The following GPC6 variants were observed in gnomAD, a reference collection of about 807,000 sequenced individuals.
GPC6 encodes glypican-6.
A neutral mutation model predicts 55.2 loss-of-function variants in GPC6; 14 were observed. That is an observed-to-expected ratio of 0.25 (90% CI 0.17 to 0.40). The LOEUF is 0.40. Among genes scored for constraint, GPC6 ranks in the 10% least tolerant of loss-of-function variants. The pLI is 1.00. For synonymous variants in GPC6, 278 were observed against 259.6 expected, an observed-to-expected ratio of 1.07 and a Z score of -0.68; for missense variants, 641 against 708.5, an observed-to-expected ratio of 0.90 and a Z score of 1.08.
At chr13:94,211,343 C>G (rs538893444) in intron 4 of GPC6, among the ~76,000 whole-genome samples, 1 of 152,150 alleles carries the variant, frequency 6.6e-6, no homozygotes, top group Admixed American at 6.5e-5. Context: ...GATTAAGTGC[C>G]TGAAGATTTA....
intron 6 of GPC6, among the ~76,000 whole-genome samples, chr13:94,372,744 C>T (rs944592901): frequency 6.6e-6 from 1 of 152,200 alleles, no homozygotes; most frequent in African/African-American, 2.4e-5. Context: ...CCTCTGTAGG[C>T]TCCACCTCTG....
chr13:93,724,870 C>A (rs748221100), intron 2 of GPC6, among the ~76,000 whole-genome samples: 2 of 151,834 alleles, frequency 1.3e-5, no homozygotes, highest in Non-Finnish European at 2.9e-5. Context: ...ATGTTACATC[C>A]GTATAAATGA....
chr13:93,929,617 T>G (rs1460912137), intron 3 of GPC6, among the ~76,000 whole-genome samples: 1 of 152,142 alleles, frequency 6.6e-6, no homozygotes, highest in Non-Finnish European at 1.5e-5. Flanking sequence ...GTACAGAAAT[T>G]ACAATGGGAA....
intron 1 of GPC6, among the ~76,000 whole-genome samples, chr13:93,354,162 G>C (rs1298059232): frequency 6.6e-6 from 1 of 152,126 alleles, no homozygotes; most frequent in Admixed American, 6.5e-5. Flanking sequence ...ATTTAGGGTA[G>C]AGGTCCCAGG....
Position 94,249,441 on chromosome 13 carries a change from C to G in GPC6, c.878-36908C>G, listed in dbSNP as rs202049002. On this transcript the variant is annotated intron_variant, in intron 4 of 8. Coordinates refer to ENST00000377047, the MANE Select transcript of GPC6 (RefSeq NM_005708.5). ...TAAGTTTGTAGAGGCTTATCCTGGA[C>G]AAAGATCTGTGCTTATTTGTATGAC... 2.6e-4 allele frequency among the ~76,000 whole-genome samples: 37 copies of G among 140,388 alleles called. No homozygotes were observed. The East Asian group carries it at 5.8e-3, about 22-fold the overall frequency. 92.1% of individuals were successfully genotyped at this position (140,388 alleles called of 152,430 possible).
chr13:94,406,077 A>G lies in GPC6; in HGVS notation c.*2860A>G, dbSNP rs1434741483. Reference sequence around the variant, plus strand: ...CTGATGTTCCCTAAATTCTGTAATCATATCATAACTTTTGTTATGAATAGA... The same window carrying G: ...CTGATGTTCCCTAAATTCTGTAATCGTATCATAACTTTTGTTATGAATAGA... On this transcript the variant is annotated 3_prime_UTR_variant, in exon 9 of 9. Coordinates refer to ENST00000377047, the MANE Select transcript of GPC6 (RefSeq NM_005708.5). 2 of 152,232 alleles carry G rather than the reference A, an allele frequency of 1.3e-5. No individual in the cohort carries two copies. Among genetic ancestry groups the G allele is most frequent in the Admixed American group, 6.5e-5 (1 of 15,280 alleles). The allele number at this position is 152,232 out of a possible 1,614,324, so 9.4% of individuals were successfully genotyped here.
intron 4 of GPC6, among the ~76,000 whole-genome samples, chr13:94,135,602 A>G (rs919814301): frequency 6.6e-6 from 1 of 152,260 alleles, no homozygotes; most frequent in Non-Finnish European, 1.5e-5. Context: ...TGTCTCTGTC[A>G]TGTAGGACAT....
intron 2 of GPC6, among the ~76,000 whole-genome samples, chr13:93,774,540 T>C (rs1481688959): frequency 6.6e-6 from 1 of 152,184 alleles, no homozygotes; most frequent in Non-Finnish European, 1.5e-5. Context: ...ACAGAATTAG[T>C]AAAAGTCGTG....
chr13:94,013,218 GTATA>G (rs10644543), intron 3 of GPC6, among the ~76,000 whole-genome samples: 10 of 150,384 alleles, frequency 6.6e-5, no homozygotes, highest in Non-Finnish European at 7.4e-5. Context: ...ATGTGTGTAT[GTATA>G]TATATATATA....
At chr13:94,022,043 G>C (rs1010069844) in intron 3 of GPC6, among the ~76,000 whole-genome samples, 7 of 151,968 alleles carry the variant, frequency 4.6e-5, no homozygotes, top group African/African-American at 1.4e-4. Context: ...TACTGTAGTG[G>C]AACAAATTAA....
At chr13:94,012,292 G>A (rs984212622) in intron 3 of GPC6, among the ~76,000 whole-genome samples, 7 of 152,114 alleles carry the variant, frequency 4.6e-5, no homozygotes, top group African/African-American at 1.7e-4. Flanking sequence ...TTCAGAAAAG[G>A]TCCATGCTGG....
chr13:93,605,321 A>G (rs1387516306), intron 2 of GPC6, among the ~76,000 whole-genome samples: 1 of 152,216 alleles, frequency 6.6e-6, no homozygotes, highest in Non-Finnish European at 1.5e-5. Flanking sequence ...GAAAGTTTTA[A>G]AACAATGTCT....
chr13:93,716,793 CA>C (rs1202492170), intron 2 of GPC6, among the ~76,000 whole-genome samples: 1 of 151,628 alleles, frequency 6.6e-6, no homozygotes, highest in Admixed American at 6.6e-5. Context: ...ACTCATACCT[CA>C]ATCACTGACT....
At chr13:94,063,292 A>G (rs865848077) in intron 4 of GPC6, among the ~76,000 whole-genome samples, 29 of 152,148 alleles carry the variant, frequency 1.9e-4, no homozygotes, top group Admixed American at 1.1e-3. Flanking sequence ...GCAGTGCCAG[A>G]CTTTGTTTGG....
intron 4 of GPC6, among the ~76,000 whole-genome samples, chr13:94,037,160 A>G (rs1357434299): frequency 6.6e-6 from 1 of 152,002 alleles, no homozygotes; most frequent in Non-Finnish European, 1.5e-5. Flanking sequence ...AGGATCAGGC[A>G]TAGGAGCTTA....
At position 93,240,290 on chromosome 13, in the gene GPC6, A is replaced by T. The variant is rs867083055; in HGVS notation, c.160+12674A>T. ...GGAATCTATTAGTATTTGTTTTACA[A>T]ATCCGGAAGCTCTGGTGTTAGGTGT... On this transcript the variant is annotated intron_variant, in intron 1 of 8. Coordinates refer to ENST00000377047, the MANE Select transcript of GPC6 (RefSeq NM_005708.5). Among the ~76,000 whole-genome samples, 28 of 152,218 alleles carry T rather than the reference A, an allele frequency of 1.8e-4. No homozygotes were observed. The South Asian group carries it at 3.7e-3, about 20-fold the overall frequency.
At chr13:94,388,125 G>C (rs79118760) in intron 7 of GPC6, among the ~76,000 whole-genome samples, 1 of 152,118 alleles carries the variant, frequency 6.6e-6, no homozygotes, top group Admixed American at 6.6e-5. Flanking sequence ...AAAAGGATTC[G>C]TTGTTCACCT....
At chr13:93,776,526 G>A (rs868118168) in intron 2 of GPC6, among the ~76,000 whole-genome samples, 1 of 151,846 alleles carries the variant, frequency 6.6e-6, no homozygotes, top group Non-Finnish European at 1.5e-5. Context: ...ATCATACTGG[G>A]ATAATGAACT....
chr13:94,385,818 T>TAA (rs1269228022), intron 7 of GPC6, among the ~76,000 whole-genome samples: 1 of 152,170 alleles, frequency 6.6e-6, no homozygotes, highest in Non-Finnish European at 1.5e-5. Context: ...AACTATTTTG[T>TAA]AAGAATCCAT....
Sources: allele counts gnomAD v4.1 joint callset (sites outside exome capture counted in the v4.1 genomes callset), GRCh38; gene constraint gnomAD v4.1.1; transcripts MANE v1.5; gene names NCBI Gene and HGNC (gene_info 2026-07-23, HGNC 2026-07-21).